The following CNOT6 variants were observed in gnomAD, a reference collection of about 807,000 sequenced individuals.
The protein encoded by CNOT6 is carbon catabolite repression 4 protein.
A neutral mutation model predicts 61.2 loss-of-function variants in CNOT6; 12 were observed. That is an observed-to-expected ratio of 0.20 (90% CI 0.13 to 0.32). The LOEUF is 0.32. CNOT6 is among the 10% of genes least tolerant of loss of function. The pLI is 1.00. For synonymous variants in CNOT6, 225 were observed against 240.6 expected (o/e 0.94, Z 0.60); for missense variants, 405 against 663.9 (o/e 0.61, Z 4.28).
At chr5:180,517,245 C>T (rs1369861816) in intron 1 of CNOT6, among the ~76,000 whole-genome samples, 1 of 152,176 alleles carries the variant, frequency 6.6e-6, no homozygotes, top group Non-Finnish European at 1.5e-5. Flanking sequence ...TCAGGTGATT[C>T]TCCCATCTCA....
At chr5:180,536,701 C>T (rs1445775254) in intron 2 of CNOT6, among the ~76,000 whole-genome samples, 3 of 152,176 alleles carry the variant, frequency 2.0e-5, no homozygotes. Context: ...GCCTCGACCT[C>T]GTGGGTTCAA....
intron 1 of CNOT6, among the ~76,000 whole-genome samples, chr5:180,495,191 A>G (rs1270667961): frequency 6.6e-6 from 1 of 152,190 alleles, no homozygotes; most frequent in African/African-American, 2.4e-5. Context: ...GGCCACAATT[A>G]CTGTCAAGCG....
intron 1 of CNOT6, chr5:180,495,789 A>G (rs1360876109): frequency 6.6e-6 from 1 of 152,248 alleles, no homozygotes; most frequent in Non-Finnish European, 1.5e-5. Flanking sequence ...TTTACAATAT[A>G]CTAGAATTTA....
intron 1 of CNOT6, among the ~76,000 whole-genome samples, chr5:180,506,884 A>T (rs569625800): frequency 6.6e-6 from 1 of 152,318 alleles, no homozygotes; most frequent in South Asian, 2.1e-4. Flanking sequence ...CTCTGGAGTT[A>T]TAAAAATATT....
rs929615468 is a variant in CNOT6, at chr5:180,576,866, G to A, written c.*2666G>A. ...AAATTCTGTAACAAATATATTTAATGTGTTGCCATAATGTCATTTCAGTAT... is the reference window on the plus strand; with the variant it reads ...AAATTCTGTAACAAATATATTTAATATGTTGCCATAATGTCATTTCAGTAT... On this transcript the variant is annotated 3_prime_UTR_variant, in exon 12 of 12. Coordinates refer to ENST00000261951, the MANE Select transcript of CNOT6 (RefSeq NM_001370472.1). 1 of 151,990 alleles carries A rather than the reference G, an allele frequency of 6.6e-6. No homozygotes were observed. The highest frequency in any genetic ancestry group is 2.4e-5 in the African/African-American group (1 of 41,366). The allele number at this position is 151,990 out of a possible 1,614,324, so 9.4% of individuals were successfully genotyped here. A position where few individuals can be genotyped will look rare whatever the true frequency, so the allele number is the denominator to read the frequency against.
At chr5:180,533,009 G>C (rs1012447686) in intron 2 of CNOT6, among the ~76,000 whole-genome samples, 1 of 152,092 alleles carries the variant, frequency 6.6e-6, no homozygotes, top group Admixed American at 6.5e-5. Flanking sequence ...CTGTTCTTTC[G>C]GGTTTTTATG....
intron 1 of CNOT6, among the ~76,000 whole-genome samples, chr5:180,518,960 A>G (rs751254741): frequency 9.2e-5 from 14 of 152,188 alleles, no homozygotes; most frequent in Admixed American, 2.0e-4. Flanking sequence ...TGATCTGCCT[A>G]CCTTGGCCTA....
chr5:180,518,697 C>T (rs946781186), intron 1 of CNOT6, among the ~76,000 whole-genome samples: 44 of 152,194 alleles, frequency 2.9e-4, no homozygotes, highest in South Asian at 2.3e-3. Context: ...TGAGGGAACT[C>T]CCTTTGTTGC....
At chr5:180,509,039 C>A (rs907363943) in intron 1 of CNOT6, among the ~76,000 whole-genome samples, 1 of 152,120 alleles carries the variant, frequency 6.6e-6, no homozygotes, top group African/African-American at 2.4e-5. Context: ...TCAGGCTGGT[C>A]TCAAACTCCT....
chr5:180,502,615 C>CAGCA (rs1313707193), intron 1 of CNOT6, among the ~76,000 whole-genome samples: 9 of 152,180 alleles, frequency 5.9e-5, no homozygotes, highest in African/African-American at 2.2e-4. Flanking sequence ...GCTACAAACA[C>CAGCA]ATAGAGACTT....
intron 1 of CNOT6, among the ~76,000 whole-genome samples, chr5:180,498,527 G>A (rs1462864417): frequency 6.6e-6 from 1 of 152,206 alleles, no homozygotes; most frequent in Non-Finnish European, 1.5e-5. Flanking sequence ...GAGGTGTCAA[G>A]TGTTAGGGTA....
chr5:180,557,921 C>T (rs553110889), intron 4 of CNOT6, among the ~76,000 whole-genome samples: 1 of 152,244 alleles, frequency 6.6e-6, no homozygotes, highest in East Asian at 1.9e-4. Context: ...GTGTGTGTGG[C>T]CTGTCGATGT....
At chr5:180,563,399 TG>T (rs1760289951) in intron 4 of CNOT6, among the ~76,000 whole-genome samples, 1 of 40,982 alleles carries the variant, frequency 2.4e-5, no homozygotes, top group Non-Finnish European at 5.8e-5. Context: ...TGTTTGTTTT[TG>T]CTTTTTTTTT....
In CNOT6 at chr5:180,550,257, C is replaced by G. The variant is rs1164745003; in HGVS notation, c.299+140C>G. 4 of 595,070 alleles carry G rather than the reference C, an allele frequency of 6.7e-6. No homozygotes were observed. In the East Asian group the frequency reaches 8.7e-5, roughly 13 times the overall value. The allele number at this position is 595,070 out of a possible 1,614,324, so 36.9% of individuals were successfully genotyped here. On this transcript the variant is annotated intron_variant, in intron 3 of 11. Transcript: ENST00000261951. ...ATGAGGTCAGGAGATCGAGACCATTCTGGCCAACATGGTGAAACCCCATCT... is the reference window on the plus strand; with the variant it reads ...ATGAGGTCAGGAGATCGAGACCATTGTGGCCAACATGGTGAAACCCCATCT...
chr5:180,518,652 A>G (rs1222578465), intron 1 of CNOT6, among the ~76,000 whole-genome samples: 1 of 152,076 alleles, frequency 6.6e-6, no homozygotes, highest in Non-Finnish European at 1.5e-5. Flanking sequence ...ATGTGCCACC[A>G]CACCTGGGTG....
intron 2 of CNOT6, among the ~76,000 whole-genome samples, chr5:180,547,325 G>A (rs1397251713): frequency 1.3e-5 from 2 of 152,044 alleles, no homozygotes; most frequent in African/African-American, 4.8e-5. Context: ...CTCGAGACCA[G>A]CCTGGCCAAC....
At chr5:180,534,652 C>T (rs534332735) in intron 2 of CNOT6, 12 of 151,364 alleles carry the variant, frequency 7.9e-5, no homozygotes, top group Admixed American at 2.0e-4. Context: ...TGGCATGGGC[C>T]GGAGTCGCTG....
At chr5:180,517,034 C>T (rs762001704) in intron 1 of CNOT6, among the ~76,000 whole-genome samples, 10 of 152,192 alleles carry the variant, frequency 6.6e-5, no homozygotes, top group Non-Finnish European at 1.5e-4. Flanking sequence ...CTCCATTAAA[C>T]GTTTTCTACC....
intron 1 of CNOT6, among the ~76,000 whole-genome samples, chr5:180,512,634 G>A (rs1393532490): frequency 6.6e-6 from 1 of 152,210 alleles, no homozygotes; most frequent in Non-Finnish European, 1.5e-5. Context: ...GTCTTGCTCT[G>A]TTGCCAGGCT....
Sources: allele counts gnomAD v4.1 joint callset (sites outside exome capture counted in the v4.1 genomes callset), GRCh38; gene constraint gnomAD v4.1.1; transcripts MANE v1.5; gene names NCBI Gene and HGNC (gene_info 2026-07-23, HGNC 2026-07-21).